AFDN: variants seen among roughly 807,000 people sequenced by gnomAD.
AFDN encodes afadin.
AFDN carries 68 observed loss-of-function variants against 216.6 expected under a neutral mutation model. The ratio of observed to expected loss-of-function variants is 0.31; its 90% confidence interval spans 0.26 to 0.38. The LOEUF (loss-of-function observed/expected upper bound fraction) is 0.38. Among genes scored for constraint, AFDN ranks in the 10% least tolerant of loss-of-function variants. The pLI, the probability that AFDN is intolerant of heterozygous loss-of-function variation, is 1.00. For synonymous variants in AFDN, 868 were observed against 853.7 expected (o/e 1.02, Z -0.29); for missense variants, 2,136 against 2,342.0 (o/e 0.91, Z 1.82).
rs1432317033 is a variant in AFDN, at chr6:167,962,482, A to G, written c.4883A>G (p.Lys1628Arg). Residue 1628 changes from lysine (K) to arginine (R), a missense_variant, in exon 31 of 34, where the codon AAG becomes AGG. By Grantham distance (26) the Lys-to-Arg change is conservative. Around this residue, in one of 8 missense-constraint regions of AFDN, gnomAD observed 981 missense variants for 966.0 expected, o/e 1.02. Coordinates refer to ENST00000683244, the MANE Select transcript of AFDN (RefSeq NM_001386888.1). The surrounding 1 kb of genome is among the most constrained non-coding windows in gnomAD (Gnocchi z 5.2). ...CAGCAGCAGTTAGAAGAGATGCGCA[A>G]GCGGGAAGCGGAAGACCGAGCGAGG... Reference protein sequence around the residue: ...RRQQQLEEMRKREAEDRARQE... With the variant: ...RRQQQLEEMRRREAEDRARQE... The G allele has an allele frequency of 6.2e-7, 1 of 1,613,624 alleles. No individual in the cohort carries two copies. The highest frequency in any genetic ancestry group is 2.2e-5 in the East Asian group (1 of 44,894).
In AFDN at chr6:167,969,998, G is replaced by A. The variant is rs2128787501; in HGVS notation, c.*63G>A. Reference sequence around the variant, plus strand: ...TCTTTTCAGTTGTGGGTTTGTAGGTGCGAGTTTGAAGAGGAAAAGAGGAAG... The same window carrying A: ...TCTTTTCAGTTGTGGGTTTGTAGGTACGAGTTTGAAGAGGAAAAGAGGAAG... On this transcript the variant is annotated 3_prime_UTR_variant, in exon 34 of 34. Coordinates refer to ENST00000683244, the MANE Select transcript of AFDN (RefSeq NM_001386888.1). The A allele has an allele frequency of 5.7e-6, 8 of 1,406,348 alleles. No individual in the cohort carries two copies. The highest frequency in any genetic ancestry group is 7.7e-6 in the Non-Finnish European group (8 of 1,040,078). The allele number at this position is 1,406,348 out of a possible 1,614,324, so 87.1% of individuals were successfully genotyped here.
intron 7 of AFDN, among the ~76,000 whole-genome samples, chr6:167,890,304 T>A (rs989151893): frequency 6.6e-6 from 1 of 152,238 alleles, no homozygotes; most frequent in Non-Finnish European, 1.5e-5. Flanking sequence ...GCCTAAATTC[T>A]TTAAGTTGAA....
chr6:167,866,305 T>G (rs1458341623), intron 2 of AFDN, among the ~76,000 whole-genome samples: 1 of 152,176 alleles, frequency 6.6e-6, no homozygotes. Flanking sequence ...TCAGGTACCC[T>G]TCCACACCTT....
chr6:167,969,013 G>GT, intron 32 of AFDN, 101 bp from the exon 33 acceptor site: 2 of 911,114 alleles, frequency 2.2e-6, no homozygotes, highest in Non-Finnish European at 3.6e-6. Flanking sequence ...TACTTACTCA[G>GT]TAAAGGTATT....
rs1352030583 is a variant in AFDN at position 167,943,421 on chromosome 6, G to C, written c.3185G>C (p.Gly1062Ala). 3 of 1,614,134 alleles carry C rather than the reference G, an allele frequency of 1.9e-6. No homozygotes were observed. The highest frequency in any genetic ancestry group is 2.5e-6 in the Non-Finnish European group (3 of 1,179,968). ...AADVDGRLAA[G>A]DQLLSVDGRS... The stretch of plus-strand genomic sequence containing the variant: ...GCCTAGGATGGACGTCTAGCTGCAG[G>C]TGATCAGCTCCTCAGTGTGGATGGA... The change falls in exon 25 of 34, where the codon GGT becomes GCT. Residue 1062 changes from glycine to alanine, a missense_variant. Gly to Ala is a moderately conservative substitution (Grantham distance 60). This residue lies in a region of AFDN where 74 missense variants were observed against 98.8 expected (regional missense o/e 0.75). Transcript: ENST00000683244.
chr6:167,956,009 G>A (rs1191636540), intron 30 of AFDN, among the ~76,000 whole-genome samples: 1 of 150,926 alleles, frequency 6.6e-6, no homozygotes, highest in Non-Finnish European at 1.5e-5. Flanking sequence ...CAGCTACTCA[G>A]GAGGCTGAGG....
At chr6:167,857,944 A>G (rs1783086371) in intron 1 of AFDN, among the ~76,000 whole-genome samples, 1 of 152,184 alleles carries the variant, frequency 6.6e-6, no homozygotes, top group South Asian at 2.1e-4. Context: ...TTTAAAGATT[A>G]TGATTGAGTT....
intron 30 of AFDN, among the ~76,000 whole-genome samples, chr6:167,953,208 A>T (rs1245240177): frequency 6.6e-6 from 1 of 152,112 alleles, no homozygotes; most frequent in African/African-American, 2.4e-5. Flanking sequence ...TCTGTTTCTA[A>T]TTTCAACTGT....
intron 1 of AFDN, among the ~76,000 whole-genome samples, chr6:167,832,153 C>G (rs1326527867): frequency 5.9e-5 from 9 of 152,194 alleles, no homozygotes; most frequent in Non-Finnish European, 1.5e-5. Context: ...ATGTATCTGT[C>G]TGACCTACAT....
chr6:167,858,107 A>T (rs1448675840), intron 1 of AFDN, among the ~76,000 whole-genome samples: 1 of 152,170 alleles, frequency 6.6e-6, no homozygotes, highest in Non-Finnish European at 1.5e-5. Flanking sequence ...ACTGTGGGGA[A>T]AACTTTCACT....
chr6:167,861,229 G>T (rs1783531923), intron 1 of AFDN, among the ~76,000 whole-genome samples: 1 of 152,200 alleles, frequency 6.6e-6, no homozygotes, highest in Non-Finnish European at 1.5e-5. Flanking sequence ...TAATTGAGCA[G>T]AATGTTAATC....
At chr6:167,944,162 T>G in intron 26 of AFDN, 103 bp downstream of exon 26, 1 of 875,468 alleles carries the variant, frequency 1.1e-6, no homozygotes, top group Non-Finnish European at 1.8e-6. Context: ...CGCCCCAGTT[T>G]TAAAGAGAAA....
intron 11 of AFDN, among the ~76,000 whole-genome samples, chr6:167,900,192 C>T (rs1010347472): frequency 6.6e-6 from 1 of 152,200 alleles, no homozygotes; most frequent in African/African-American, 2.4e-5. Context: ...AGAAAGGACT[C>T]TTGTTTTTTT....
At chr6:167,940,506 G>T (rs28470457) in intron 23 of AFDN, among the ~76,000 whole-genome samples, 1 of 39,590 alleles carries the variant, frequency 2.5e-5, no homozygotes, top group Non-Finnish European at 4.2e-5. Flanking sequence ...GGGATGTAGG[G>T]GTGAGGGTGG....
chr6:167,907,337 TA>T, intron 13 of AFDN, 48 bp downstream of exon 13: 6 of 1,411,096 alleles, frequency 4.3e-6, no homozygotes, highest in Admixed American at 1.7e-5. Flanking sequence ...AAAGTATTCC[TA>T]AAAAAGGGTT....
chr6:167,937,575 T>C (rs73034975), intron 23 of AFDN, among the ~76,000 whole-genome samples: 2,994 of 88,426 alleles, frequency 0.034, 53 homozygotes, highest in Non-Finnish European at 0.049. Context: ...AATGAAAACC[T>C]CCTTTTGTGA....
chr6:167,934,585 T>C (rs1241735645), intron 23 of AFDN, among the ~76,000 whole-genome samples: 1 of 152,188 alleles, frequency 6.6e-6, no homozygotes, highest in Non-Finnish European at 1.5e-5. Flanking sequence ...TCTGAGGTCA[T>C]TTCAGCCACT....
chr6:167,876,653 A>G (rs569811723), intron 5 of AFDN, among the ~76,000 whole-genome samples: 4 of 152,346 alleles, frequency 2.6e-5, no homozygotes, highest in African/African-American at 7.2e-5. Flanking sequence ...GGTATGGGCT[A>G]GAGGTAGTGA....
At chr6:167,835,636 T>C (rs1013320918) in intron 1 of AFDN, among the ~76,000 whole-genome samples, 1 of 152,258 alleles carries the variant, frequency 6.6e-6, no homozygotes, top group Non-Finnish European at 1.5e-5. Flanking sequence ...AAAATACGTT[T>C]TGTATATAGT....
Sources: allele counts gnomAD v4.1 joint callset (sites outside exome capture counted in the v4.1 genomes callset), GRCh38; gene constraint gnomAD v4.1.1; regional missense constraint gnomAD v4.1.1; non-coding constraint Gnocchi (gnomAD v3.1); transcripts MANE v1.5; gene names NCBI Gene and HGNC (gene_info 2026-07-23, HGNC 2026-07-21).